The following ANKRD55 variants were observed in gnomAD, a reference collection of about 807,000 sequenced individuals.
ANKRD55 encodes ankyrin repeat domain-containing protein 55.
A neutral mutation model predicts 60.6 loss-of-function variants in ANKRD55; 41 were observed. That is an observed-to-expected ratio of 0.68 (90% CI 0.53 to 0.88). The LOEUF is 0.88. Ranked by LOEUF, ANKRD55 falls within the 40% of genes least tolerant of loss-of-function variation. The probability of loss-of-function intolerance (pLI) is 0.00; values close to 1 mark genes in which losing one functional copy is unlikely to be tolerated. For synonymous variants in ANKRD55, 264 were observed against 290.3 expected (o/e 0.91, Z 0.92); for missense variants, 732 against 767.6 (o/e 0.95, Z 0.55).
intron 2 of ANKRD55, among the ~76,000 whole-genome samples, chr5:56,230,709 T>C (rs1561301559): frequency 1.3e-5 from 2 of 152,202 alleles, no homozygotes; most frequent in South Asian, 4.1e-4. Flanking sequence ...AGGAATGGCT[T>C]AGTTAATTAT....
At chr5:56,179,939 C>A (rs1758818886) in intron 3 of ANKRD55, among the ~76,000 whole-genome samples, 1 of 152,142 alleles carries the variant, frequency 6.6e-6, no homozygotes, top group Non-Finnish European at 1.5e-5. Context: ...TTTATACTGT[C>A]TTAGTCTGTT....
intron 8 of ANKRD55, among the ~76,000 whole-genome samples, chr5:56,122,067 G>C (rs1359105699): frequency 6.6e-6 from 1 of 152,178 alleles, no homozygotes; most frequent in Non-Finnish European, 1.5e-5. Context: ...CTGAAGCTTA[G>C]CTGAAGCATA....
intron 6 of ANKRD55, among the ~76,000 whole-genome samples, chr5:56,159,331 C>T (rs1758268141): frequency 6.6e-6 from 1 of 152,116 alleles, no homozygotes; most frequent in South Asian, 2.1e-4. Context: ...TGTGGTGGCG[C>T]CTGCTTGTAA....
intron 3 of ANKRD55, among the ~76,000 whole-genome samples, chr5:56,176,797 A>G (rs1481263871): frequency 6.6e-6 from 1 of 152,190 alleles, no homozygotes; most frequent in African/African-American, 2.4e-5. Context: ...AGGTCAAGGC[A>G]TTTAGTTTTT....
intron 8 of ANKRD55, 67 bp from the exon 9 acceptor site, chr5:56,116,849 C>G: frequency 7.0e-7 from 1 of 1,425,434 alleles, no homozygotes; most frequent in Non-Finnish European, 9.3e-7. Context: ...GCTTAGCCAG[C>G]AACAGCTCCT....
intron 6 of ANKRD55, among the ~76,000 whole-genome samples, chr5:56,152,818 T>TA (rs1048998465): frequency 2.0e-5 from 3 of 151,762 alleles, no homozygotes; most frequent in African/African-American, 7.3e-5. Context: ...AACCATATAT[T>TA]AAAAAAAATC....
intron 4 of ANKRD55, among the ~76,000 whole-genome samples, chr5:56,174,816 G>C (rs1411577136): frequency 2.9e-5 from 4 of 140,086 alleles, no homozygotes; most frequent in Admixed American, 2.8e-4. Flanking sequence ...TGGTGACAGA[G>C]TGAGACTCTG....
At chr5:56,106,033 T>C (rs1049016393) in intron 10 of ANKRD55, among the ~76,000 whole-genome samples, 2 of 152,176 alleles carry the variant, frequency 1.3e-5, no homozygotes, top group Admixed American at 6.5e-5. Flanking sequence ...TCATCCCCCA[T>C]CTTGCTGCAT....
intron 7 of ANKRD55, chr5:56,137,222 G>A (rs1175146222): frequency 5.0e-6 from 8 of 1,609,060 alleles, no homozygotes; most frequent in East Asian, 2.2e-5. Flanking sequence ...CACAAGGTCG[G>A]TGGCCCAAAA....
Position 56,111,132 on chromosome 5 carries a change from T to G in ANKRD55, c.1616A>C (p.His539Pro). 1 of 1,613,598 alleles carries G rather than the reference T, an allele frequency of 6.2e-7. No homozygotes were observed. The change falls in exon 10 of 12, where the codon CAT becomes CCT. Residue 539 changes from histidine to proline, a missense_variant. By Grantham distance (77) the His-to-Pro change is moderately conservative. This residue lies in a region of ANKRD55 where 597 missense variants were observed against 607.5 expected (regional missense o/e 0.98). Transcript: ENST00000341048. ...AAGGACATTACCTGATGATGGATTATGTAGATGGCGAAGGTGTGGTGGCAC... is the reference window on the plus strand; with the variant it reads ...AAGGACATTACCTGATGATGGATTAGGTAGATGGCGAAGGTGTGGTGGCAC... The part of the protein sequence containing the change: ...VSVPPHLRHL[H>P]NPSSGQNFQH...
At chr5:56,116,819 G>A (rs768666843) in intron 8 of ANKRD55, 37 bp from the exon 9 acceptor site, 2 of 1,527,352 alleles carry the variant, frequency 1.3e-6, no homozygotes, top group Non-Finnish European at 1.8e-6. Context: ...AAGCGTCTGA[G>A]CATGTGAATT....
chr5:56,214,356 G>C (rs1275361056), intron 2 of ANKRD55, among the ~76,000 whole-genome samples: 2 of 152,192 alleles, frequency 1.3e-5, no homozygotes, highest in East Asian at 3.8e-4. Flanking sequence ...ATAATCACTA[G>C]CACTTACTAA....
At chr5:56,113,483 C>T (rs916640953) in intron 9 of ANKRD55, among the ~76,000 whole-genome samples, 6 of 152,198 alleles carry the variant, frequency 3.9e-5, no homozygotes, top group South Asian at 2.1e-4. Context: ...CTACTATATA[C>T]GGAGGTGTGA....
chr5:56,178,031 A>G (rs531800468), intron 3 of ANKRD55, among the ~76,000 whole-genome samples: 4 of 152,128 alleles, frequency 2.6e-5, no homozygotes, highest in Non-Finnish European at 5.9e-5. Flanking sequence ...TCACGTGTTT[A>G]AAATTTGTCT....
chr5:56,127,012 T>C lies in ANKRD55; in HGVS notation c.707A>G (p.His236Arg), dbSNP rs1757281525. Residue 236 changes from histidine (H) to arginine (R), a missense_variant, in exon 8 of 12, where the codon CAT (histidine) becomes CGT (arginine). His to Arg is a conservative substitution (Grantham distance 29). This residue lies in a region of ANKRD55 where 597 missense variants were observed against 607.5 expected (regional missense o/e 0.98). Coordinates refer to ENST00000341048, the MANE Select transcript of ANKRD55 (RefSeq NM_024669.3). ...GCTGAAGCCCGCTGCCGCTGCGATA[T>C]GTACACATGTCTTCCCACTCTCATC... ...YDDESGKTCV[H>R]IAAAAGFSDI... The C allele has an allele frequency of 1.2e-6, 2 of 1,614,018 alleles. No individual in the cohort carries two copies. Among genetic ancestry groups the C allele is most frequent in the South Asian group, 1.1e-5 (1 of 91,050 alleles).
At chr5:56,134,104 A>G (rs1204245561) in intron 7 of ANKRD55, among the ~76,000 whole-genome samples, 1 of 114,800 alleles carries the variant, frequency 8.7e-6, no homozygotes, top group Non-Finnish European at 2.1e-5. Context: ...ATCAGAAATG[A>G]AAAAAGGTAC....
chr5:56,115,913 G>A (rs1308666943), intron 9 of ANKRD55, among the ~76,000 whole-genome samples: 1 of 151,832 alleles, frequency 6.6e-6, no homozygotes, highest in Non-Finnish European at 1.5e-5. Flanking sequence ...GGAGTGCAAT[G>A]GAGTGATCTC....
intron 2 of ANKRD55, among the ~76,000 whole-genome samples, chr5:56,227,026 G>C (rs920281897): frequency 7.4e-6 from 1 of 136,004 alleles, no homozygotes; most frequent in African/African-American, 2.7e-5. Flanking sequence ...CTGATATAAA[G>C]ACACATGCAC....
rs1161446483 is a variant in ANKRD55 at position 56,116,690 on chromosome 5, T to C, written c.890A>G (p.Asn297Ser). The C allele has an allele frequency of 3.7e-6, 6 of 1,613,958 alleles. No individual in the cohort carries two copies. The Admixed American group carries it at 6.7e-5, about 18-fold the overall frequency. Residue 297 changes from asparagine to serine, a missense_variant, in exon 9 of 12, where the codon AAT (asparagine) becomes AGT (serine). By Grantham distance (46) the Asn-to-Ser change is conservative. Coordinates refer to ENST00000341048, the MANE Select transcript of ANKRD55 (RefSeq NM_024669.3). ...GGCATAGGCCAAGGGCGTGCTCTCATTGATGTCCCGCAGGTTGCTGTCCAT... is the reference window on the plus strand; with the variant it reads ...GGCATAGGCCAAGGGCGTGCTCTCACTGATGTCCCGCAGGTTGCTGTCCAT... ...LGMDSNLRDI[N>S]ESTPLAYALY...
Sources: allele counts gnomAD v4.1 joint callset (sites outside exome capture counted in the v4.1 genomes callset), GRCh38; gene constraint gnomAD v4.1.1; regional missense constraint gnomAD v4.1.1; transcripts MANE v1.5; gene names NCBI Gene and HGNC (gene_info 2026-07-23, HGNC 2026-07-21).